GOLGA8A: variants seen among roughly 807,000 people sequenced by gnomAD.
GOLGA8A encodes the protein golgin subfamily A member 8A.
A neutral mutation model predicts 22.1 loss-of-function variants in GOLGA8A; 3 were observed. The observed-to-expected ratio is 0.14, with a 90% confidence interval of 0.06 to 0.35. GOLGA8A has a LOEUF of 0.35. GOLGA8A is among the 10% of genes least tolerant of loss of function. GOLGA8A has a pLI of 1.00. For synonymous variants in GOLGA8A, 7 were observed against 91.7 expected, an observed-to-expected ratio of 0.08 and a Z score of 5.28; for missense variants, 16 against 233.2, an observed-to-expected ratio of 0.07 and a Z score of 6.07.
Position 34,435,702 on chromosome 15 carries a change from C to G in GOLGA8A, c.-1211-231G>C, listed in dbSNP as rs568659612. On this transcript the variant is annotated intron_variant, in intron 1 of 24. Coordinates refer to ENST00000359187, the MANE Select transcript of GOLGA8A (RefSeq NM_181077.5). Reference sequence around the variant, plus strand: ...AGCTTCTCCCAGCCCAAGAGCCAGACAGTGGGGAGGAGCACAGACCACACT... The same window carrying G: ...AGCTTCTCCCAGCCCAAGAGCCAGAGAGTGGGGAGGAGCACAGACCACACT... Among the ~76,000 whole-genome samples, 8 of 148,904 alleles carry G rather than the reference C, an allele frequency of 5.4e-5. No individual in the cohort carries two copies. The South Asian group carries it at 1.7e-3, about 32-fold the overall frequency.
At chr15:34,430,213 T>G (rs571470411) in intron 2 of GOLGA8A, among the ~76,000 whole-genome samples, 1 of 149,266 alleles carries the variant, frequency 6.7e-6, no homozygotes, top group East Asian at 2.0e-4. Flanking sequence ...TCAGGAGTTC[T>G]TGGTCTGGAG....
rs1225978672 is a variant in GOLGA8A, at chr15:34,380,260, C to A, written c.*1151G>T. On this transcript the variant is annotated 3_prime_UTR_variant, in exon 25 of 25. Transcript: ENST00000359187. Reference sequence around the variant, plus strand: ...GCCAGAGAGGTCTAGATAGTAAAATCAAACTTCAAGCCTCAAAGAAGCTCC... The same window carrying A: ...GCCAGAGAGGTCTAGATAGTAAAATAAAACTTCAAGCCTCAAAGAAGCTCC... 1 of 152,264 alleles carries A rather than the reference C, an allele frequency of 6.6e-6. No individual in the cohort carries two copies. The highest frequency in any genetic ancestry group is 2.1e-4 in the South Asian group (1 of 4,830). 9.4% of individuals were successfully genotyped at this position (152,264 alleles called of 1,614,324 possible).
rs1231076636 is a variant in GOLGA8A, at chr15:34,437,434, T to C, written c.-1248A>G. Reference sequence around the variant, plus strand: ...GCGGGGCTGCCCCGGTCCGCCGCCGTCCTCGCCGCGCCGCCGTCCTCGCCG... The same window carrying C: ...GCGGGGCTGCCCCGGTCCGCCGCCGCCCTCGCCGCGCCGCCGTCCTCGCCG... On this transcript the variant is annotated 5_prime_UTR_variant, in exon 1 of 25. Transcript: ENST00000359187. The C allele has an allele frequency of 4.4e-5, 6 of 136,672 alleles. 1 individual carries two copies. The highest frequency in any genetic ancestry group is 2.2e-4 in the East Asian group (1 of 4,578). 8.5% of individuals were successfully genotyped at this position (136,672 alleles called of 1,614,324 possible). A position where few individuals can be genotyped will look rare whatever the true frequency, so the allele number is the denominator to read the frequency against.
chr15:34,431,322 T>C lies in GOLGA8A; in HGVS notation c.-1123+4061A>G, dbSNP rs199913917. Among the ~76,000 whole-genome samples the C allele has an allele frequency of 8.0e-4, 13 of 16,188 alleles. 1 individual carries two copies. The highest frequency in any genetic ancestry group is 1.4e-3 in the African/African-American group (11 of 8,148). 10.6% of individuals were successfully genotyped at this position (16,188 alleles called of 152,430 possible). ...ATATATATATATATACATATATATATATATATATATATATATATATATATC... is the reference window on the plus strand; with the variant it reads ...ATATATATATATATACATATATATACATATATATATATATATATATATATC... On this transcript the variant is annotated intron_variant, in intron 2 of 24. Coordinates refer to ENST00000359187, the MANE Select transcript of GOLGA8A (RefSeq NM_181077.5).
intron 7 of GOLGA8A, 66 bp downstream of exon 7, chr15:34,399,089 A>G (rs1232766426): frequency 6.9e-6 from 1 of 143,906 alleles, no homozygotes; most frequent in Non-Finnish European, 1.6e-5. Context: ...TCTACTTACA[A>G]CCTAACTTAC....
chr15:34,417,679 AAGATT>A (rs1475603752), intron 2 of GOLGA8A: 2 of 146,908 alleles, frequency 1.4e-5, no homozygotes, highest in Non-Finnish European at 3.0e-5. Flanking sequence ...TATATTAAAT[AAGATT>A]ATAGTTTTGT....
chr15:34,433,236 G>C (rs531201652), intron 2 of GOLGA8A, among the ~76,000 whole-genome samples: 2 of 149,230 alleles, frequency 1.3e-5, no homozygotes, highest in Admixed American at 6.8e-5. Flanking sequence ...GAGAGCCCTG[G>C]GACAGAGTCT....
intron 2 of GOLGA8A, among the ~76,000 whole-genome samples, chr15:34,427,591 C>A (rs1325507940): frequency 1.3e-5 from 2 of 148,372 alleles, no homozygotes; most frequent in African/African-American, 5.0e-5. Flanking sequence ...AGCAGCTTTT[C>A]CTTGGATTCC....
At chr15:34,427,152 G>GA in intron 2 of GOLGA8A, among the ~76,000 whole-genome samples, 1 of 147,226 alleles carries the variant, frequency 6.8e-6, no homozygotes, top group East Asian at 2.0e-4. Context: ...CTAACACGGT[G>GA]AAACCTCGTC....
At chr15:34,399,043 GAA>G (rs138144152) in intron 7 of GOLGA8A, 110 bp downstream of exon 7, 1 of 131,040 alleles carries the variant, frequency 7.6e-6, no homozygotes. Flanking sequence ...TAGGAGCTAT[GAA>G]AAAAAAAACA....
rs1387492551 is a variant in GOLGA8A, at chr15:34,423,241, C to T, written c.-1123+12142G>A. ...ACTCCCCTGCCCTACCACCACAGGG[C>T]AACATGGGGCCACATCACGCCACCC... On this transcript the variant is annotated intron_variant, in intron 2 of 24. Transcript: ENST00000359187. Among the ~76,000 whole-genome samples the T allele has an allele frequency of 2.4e-5, 3 of 126,674 alleles. 1 individual carries two copies. Among genetic ancestry groups the T allele is most frequent in the Admixed American group, 8.3e-5 (1 of 12,008 alleles). 83.1% of individuals were successfully genotyped at this position (126,674 alleles called of 152,430 possible).
chr15:34,399,085 T>TA (rs1439326300), intron 7 of GOLGA8A, 70 bp downstream of exon 7: 3 of 143,742 alleles, frequency 2.1e-5, no homozygotes, highest in African/African-American at 7.5e-5. Context: ...ACCTTCTACT[T>TA]ACAACCTAAC....
At chr15:34,412,777 C>A (rs1197907332) in intron 2 of GOLGA8A, among the ~76,000 whole-genome samples, 1 of 143,742 alleles carries the variant, frequency 7.0e-6, no homozygotes, top group Non-Finnish European at 1.5e-5. Context: ...CGGGTCAGGG[C>A]TCCTCTTGCT....
rs527365996 is a variant in GOLGA8A, at chr15:34,435,066, T to G, written c.-1123+317A>C. 2.7e-5 allele frequency among the ~76,000 whole-genome samples: 4 copies of G among 149,570 alleles called. 1 individual carries two copies. The highest frequency in any genetic ancestry group is 2.1e-4 in the South Asian group (1 of 4,658). ...TGGACAGTAAAGGTTTCTCCAAGAC[T>G]TCAGACGACGGTGTCACCTGAGGCC... On this transcript the variant is annotated intron_variant, in intron 2 of 24. Transcript: ENST00000359187.
rs557221229 is a variant in GOLGA8A at position 34,420,337 on chromosome 15, G to A, written c.-1122-12602C>T. 3 of 146,008 alleles carry A rather than the reference G, an allele frequency of 2.1e-5. No individual in the cohort carries two copies. In the South Asian group the frequency reaches 6.9e-4, roughly 33 times the overall value. 9.0% of individuals were successfully genotyped at this position (146,008 alleles called of 1,614,324 possible). A position where few individuals can be genotyped will look rare whatever the true frequency, so the allele number is the denominator to read the frequency against. On this transcript the variant is annotated intron_variant, in intron 2 of 24. Coordinates refer to ENST00000359187, the MANE Select transcript of GOLGA8A (RefSeq NM_181077.5). ...GACAGGGGCGTGATTTACTACTGGAGGACAAGGCAGCAGGCAGGGAAGATG... is the reference window on the plus strand; with the variant it reads ...GACAGGGGCGTGATTTACTACTGGAAGACAAGGCAGCAGGCAGGGAAGATG...
intron 2 of GOLGA8A, chr15:34,420,107 T>A (rs1892736628): frequency 6.7e-6 from 1 of 149,106 alleles, no homozygotes; most frequent in Non-Finnish European, 1.5e-5. Context: ...GTAAATTTCA[T>A]CTTTTGTGTA....
At chr15:34,433,622 C>T (rs550696958) in intron 2 of GOLGA8A, among the ~76,000 whole-genome samples, 1 of 148,900 alleles carries the variant, frequency 6.7e-6, no homozygotes, top group Admixed American at 6.8e-5. Flanking sequence ...AGCTCTGGGA[C>T]TCGGGAAAAG....
chr15:34,437,032 G>A (rs1441561213), intron 1 of GOLGA8A, among the ~76,000 whole-genome samples: 15 of 148,882 alleles, frequency 1.0e-4, no homozygotes, highest in Non-Finnish European at 1.9e-4. Flanking sequence ...CCAGCGGCCC[G>A]ACCAGCCCGG....
At chr15:34,426,214 A>C (rs171200) in intron 2 of GOLGA8A, among the ~76,000 whole-genome samples, 1 of 149,452 alleles carries the variant, frequency 6.7e-6, no homozygotes, top group Non-Finnish European at 1.5e-5. Flanking sequence ...AGTTCAATAA[A>C]TAAACAGTCA....
Sources: gnomAD v4.1 joint callset for allele counts (sites outside exome capture counted in the v4.1 genomes callset) on GRCh38, gnomAD v4.1.1 for gene constraint, MANE v1.5 for transcripts, NCBI Gene and HGNC (gene_info 2026-07-23, HGNC 2026-07-21) for gene names.